The following CCDC175 variants were observed in gnomAD, a reference collection of about 807,000 sequenced individuals.
The protein encoded by CCDC175 is coiled-coil domain containing 175.
A neutral mutation model predicts 114.6 loss-of-function variants in CCDC175; 100 were observed. That is an observed-to-expected ratio of 0.87 (90% confidence interval 0.74 to 1.03). The LOEUF is 1.03. Among genes scored for constraint, CCDC175 ranks in the 50% least tolerant of loss-of-function variants. CCDC175 has a pLI of 0.00. For synonymous variants in CCDC175, 306 were observed against 308.7 expected (o/e 0.99, Z 0.09); for missense variants, 880 against 917.8 (o/e 0.96, Z 0.53).
At chr14:59,532,015 G>C (rs1340553385) in intron 13 of CCDC175, 105 bp from the exon 14 acceptor site, 4 of 619,830 alleles carry the variant, frequency 6.5e-6, no homozygotes, top group Non-Finnish European at 1.1e-5. Context: ...CATCTGTCTT[G>C]GTCTCCTATC....
At chr14:59,564,315 TCATCAAAG>T in intron 5 of CCDC175, 2 of 152,818 alleles carry the variant, frequency 1.3e-5, no homozygotes. Flanking sequence ...GTAAACAAAA[TCATCAAAG>T]ACAGAGCAGC....
chr14:59,562,766 G>T (rs1282864436), intron 6 of CCDC175, among the ~76,000 whole-genome samples: 1 of 152,124 alleles, frequency 6.6e-6, no homozygotes, highest in Admixed American at 6.5e-5. Context: ...GGCCACAACT[G>T]GAAATATGAG....
At position 59,568,337 on chromosome 14, in the gene CCDC175, A is replaced by G; in HGVS notation, c.399T>C (p.Asn133=). The G allele has an allele frequency of 6.5e-7, 1 of 1,531,404 alleles. No homozygotes were observed. Among genetic ancestry groups the G allele is most frequent in the East Asian group, 2.5e-5 (1 of 40,744 alleles). 94.9% of individuals were successfully genotyped at this position (1,531,404 alleles called of 1,614,324 possible). ...TCCTTGTAATTCTCATTTTTATTGT[A>G]TTTATCTCAAAAAGATTTAATCTGC... The part of the protein sequence containing the change: ...DARRLNLFEI[N]TIKMRITRTE... Residue 133 remains asparagine, a synonymous_variant, in exon 4 of 20, where the codon AAT becomes AAC. Transcript: ENST00000537690.
At chr14:59,567,951 G>T (rs190427203) in intron 4 of CCDC175, among the ~76,000 whole-genome samples, 1 of 152,336 alleles carries the variant, frequency 6.6e-6, no homozygotes, top group Non-Finnish European at 1.5e-5. Flanking sequence ...TTTGGATGTA[G>T]CATTAGAGGT....
At chr14:59,519,773 C>A (rs1174879035) in intron 17 of CCDC175, among the ~76,000 whole-genome samples, 2 of 152,186 alleles carry the variant, frequency 1.3e-5, no homozygotes, top group African/African-American at 4.8e-5. Context: ...TGAGTGACTG[C>A]CTCAACCATT....
intron 17 of CCDC175, among the ~76,000 whole-genome samples, chr14:59,518,157 T>C (rs1265699649): frequency 1.3e-5 from 2 of 152,184 alleles, no homozygotes; most frequent in Non-Finnish European, 2.9e-5. Context: ...TTACACCTTA[T>C]ACAAAAATTA....
In CCDC175 at chr14:59,519,466, G is replaced by A. The variant is rs141529079; in HGVS notation, c.2098+2108C>T. 3.9e-5 allele frequency among the ~76,000 whole-genome samples: 6 copies of A among 152,184 alleles called. No homozygotes were observed. In the East Asian group the frequency reaches 7.7e-4, roughly 20 times the overall value. The stretch of plus-strand genomic sequence containing the variant: ...AAGTACTACCTTAAAAGACAAAATC[G>A]ATAGATGGGCTTCGTTCAAATGAAA... On this transcript the variant is annotated intron_variant, in intron 17 of 19. Transcript: ENST00000537690.
intron 1 of CCDC175, among the ~76,000 whole-genome samples, chr14:59,576,375 G>A (rs780805005): frequency 1.3e-5 from 2 of 152,196 alleles, no homozygotes; most frequent in East Asian, 3.9e-4. Flanking sequence ...TGTCACCTCA[G>A]TAATTTAACT....
chr14:59,560,673 C>T (rs1389470614), intron 7 of CCDC175, among the ~76,000 whole-genome samples: 3 of 152,114 alleles, frequency 2.0e-5, no homozygotes, highest in Admixed American at 6.6e-5. Flanking sequence ...TTTCTGGTTC[C>T]AGTCCCACGT....
chr14:59,532,870 T>C (rs1894152586), intron 13 of CCDC175, among the ~76,000 whole-genome samples: 1 of 152,216 alleles, frequency 6.6e-6, no homozygotes, highest in Non-Finnish European at 1.5e-5. Context: ...TTGAGCATCT[T>C]CCCGACTAGA....
chr14:59,547,970 G>A (rs1319219120), intron 8 of CCDC175, among the ~76,000 whole-genome samples: 2 of 152,156 alleles, frequency 1.3e-5, no homozygotes, highest in African/African-American at 2.4e-5. Context: ...CCAAGGAAAT[G>A]AAATCAGTAT....
chr14:59,520,779 T>C (rs1414286637), intron 17 of CCDC175, among the ~76,000 whole-genome samples: 1 of 152,220 alleles, frequency 6.6e-6, no homozygotes, highest in African/African-American at 2.4e-5. Context: ...ATTTCATTTA[T>C]ATCTCATTAT....
intron 17 of CCDC175, among the ~76,000 whole-genome samples, chr14:59,512,210 G>C (rs963593725): frequency 6.6e-6 from 1 of 152,230 alleles, no homozygotes; most frequent in African/African-American, 2.4e-5. Flanking sequence ...TTTTGAACAA[G>C]TGGGCTTTAT....
chr14:59,525,320 C>A lies in CCDC175; in HGVS notation c.1957G>T (p.Ala653Ser). ...ENGFYINDQKADLLLLENKKL... is the reference protein window; with the variant it reads ...ENGFYINDQKSDLLLLENKKL... ...TTATTTTCCAGGAGCAGAAGATCTG[C>A]TTTTTGGTCATTTATATAGAATCCA... The change falls in exon 16 of 20, where the codon GCA becomes TCA. Residue 653 changes from alanine (A) to serine (S), a missense_variant. Ala to Ser is a moderately conservative substitution (Grantham distance 99). Coordinates refer to ENST00000537690, the MANE Select transcript of CCDC175 (RefSeq NM_001164399.2). The A allele has an allele frequency of 6.8e-7, 1 of 1,465,750 alleles. No homozygotes were observed. Among genetic ancestry groups the A allele is most frequent in the Admixed American group, 2.9e-5 (1 of 34,430 alleles). The allele number at this position is 1,465,750 out of a possible 1,614,324, so 90.8% of individuals were successfully genotyped here. A position where few individuals can be genotyped will look rare whatever the true frequency, so the allele number is the denominator to read the frequency against.
At chr14:59,510,224 C>A (rs1892664060) in intron 19 of CCDC175, among the ~76,000 whole-genome samples, 1 of 152,142 alleles carries the variant, frequency 6.6e-6, no homozygotes, top group African/African-American at 2.4e-5. Flanking sequence ...GTGTTAACAT[C>A]TCAGAAGCCC....
chr14:59,522,515 G>A (rs1190162081), intron 16 of CCDC175, among the ~76,000 whole-genome samples: 1 of 152,088 alleles, frequency 6.6e-6, no homozygotes, highest in Non-Finnish European at 1.5e-5. Context: ...CTTTGACCAT[G>A]GGTCTGCAGA....
intron 4 of CCDC175, among the ~76,000 whole-genome samples, chr14:59,565,599 C>T (rs369028568): frequency 7.1e-4 from 108 of 151,900 alleles, no homozygotes; most frequent in Middle Eastern, 3.4e-3. Context: ...CCCAGCTACT[C>T]GGGAGGCTGA....
chr14:59,530,947 T>C (rs1225375706), intron 14 of CCDC175, among the ~76,000 whole-genome samples: 1 of 152,086 alleles, frequency 6.6e-6, no homozygotes, highest in Non-Finnish European at 1.5e-5. Flanking sequence ...CCTGGGCGGA[T>C]TCCTTAGATA....
At chr14:59,570,329 T>C (rs1896774539) in intron 3 of CCDC175, among the ~76,000 whole-genome samples, 1 of 152,164 alleles carries the variant, frequency 6.6e-6, no homozygotes. Flanking sequence ...CTATGCCCTC[T>C]GCTGACAAAG....
Sources: gnomAD v4.1 joint callset for allele counts (sites outside exome capture counted in the v4.1 genomes callset) on GRCh38, gnomAD v4.1.1 for gene constraint, MANE v1.5 for transcripts, NCBI Gene and HGNC (gene_info 2026-07-23, HGNC 2026-07-21) for gene names.